Variants in CAMK4 observed in about 807,000 individuals in gnomAD.
The protein encoded by CAMK4 is calcium/calmodulin dependent protein kinase IV, also known as calcium/calmodulin-dependent protein kinase type IV.
Under a neutral mutation model 44.9 loss-of-function variants are expected in CAMK4, and 22 were observed. That is an observed-to-expected ratio of 0.49 (90% CI 0.35 to 0.70). The LOEUF is 0.70. CAMK4 is among the 30% of genes least tolerant of loss of function. CAMK4 has a pLI of 0.01. For synonymous variants in CAMK4, 218 were observed against 215.4 expected (o/e 1.01, Z -0.11); for missense variants, 498 against 586.8 (o/e 0.85, Z 1.56).
chr5:111,414,544 C>T (rs80238936), intron 5 of CAMK4, among the ~76,000 whole-genome samples: 1 of 152,052 alleles, frequency 6.6e-6, no homozygotes, highest in South Asian at 2.1e-4. Flanking sequence ...TTTTGCTAGC[C>T]TGATTCAGGG....
intron 5 of CAMK4, among the ~76,000 whole-genome samples, chr5:111,434,434 A>G (rs1364191030): frequency 6.6e-6 from 1 of 152,322 alleles, no homozygotes; most frequent in South Asian, 2.1e-4. Context: ...GTGAGGAAAA[A>G]GGAGGCATTA....
chr5:111,224,274 C>G (rs1748048849), upstream of CAMK4: 1 of 565,966 alleles, frequency 1.8e-6, no homozygotes, highest in Non-Finnish European at 2.6e-6. This position sits in a 1 kb window ranked among gnomAD's most constrained non-coding sequence, Gnocchi z 5.7. Context: ...GGCGGCGACT[C>G]CGGGTTCCCC....
intron 1 of CAMK4, among the ~76,000 whole-genome samples, chr5:111,320,129 AGCAT>A (rs1748598357): frequency 6.6e-6 from 1 of 152,218 alleles, no homozygotes; most frequent in South Asian, 2.1e-4. Context: ...CAAAAAGAGA[AGCAT>A]GCTCAACTCA....
intron 1 of CAMK4, among the ~76,000 whole-genome samples, chr5:111,342,829 A>T (rs1319589913): frequency 1.3e-5 from 2 of 151,638 alleles, no homozygotes; most frequent in Non-Finnish European, 3.0e-5. Flanking sequence ...TATTTAAATA[A>T]TATTAGACTA....
chr5:111,362,703 C>G (rs1443364447), intron 2 of CAMK4, among the ~76,000 whole-genome samples: 1 of 151,998 alleles, frequency 6.6e-6, no homozygotes, highest in Non-Finnish European at 1.5e-5. Flanking sequence ...TTAATTCTCT[C>G]TTTGTTAATC....
intron 1 of CAMK4, among the ~76,000 whole-genome samples, chr5:111,264,933 G>A (rs569880375): frequency 9.2e-5 from 14 of 152,022 alleles, no homozygotes; most frequent in South Asian, 4.2e-4. Flanking sequence ...CTTTCTTGCC[G>A]TTGACCTTTC....
At chr5:111,396,815 ATT>A (rs1320625992) in intron 5 of CAMK4, among the ~76,000 whole-genome samples, 1 of 151,108 alleles carries the variant, frequency 6.6e-6, no homozygotes, top group East Asian at 1.9e-4. Flanking sequence ...TAATTTTTGT[ATT>A]TTTAGTAGAG....
chr5:111,483,901 A>G (rs1755517352), intron 10 of CAMK4, 125 bp from the exon 11 acceptor site: 2 of 614,180 alleles, frequency 3.3e-6, no homozygotes, highest in South Asian at 4.1e-5. Flanking sequence ...ATCTAGGAAT[A>G]AGGTACTTTG....
chr5:111,469,127 A>G (rs1754952272), intron 7 of CAMK4, among the ~76,000 whole-genome samples: 1 of 130,810 alleles, frequency 7.6e-6, no homozygotes, highest in South Asian at 2.7e-4. Flanking sequence ...CTGGGCAACA[A>G]GAGTGAAACT....
chr5:111,224,686 T>C lies in CAMK4; in HGVS notation c.161+42T>C. On this transcript the variant is annotated intron_variant, in intron 1 of 10. Transcript: ENST00000282356. This position sits in a 1 kb window ranked among gnomAD's most constrained non-coding sequence, Gnocchi z 5.7. ...GGCTGGGGAAGCCCGCGGCGTGCAC[T>C]GGGGGTTGTCCCTCTCGCAGCGACG... 1 of 1,577,286 alleles carries C rather than the reference T, an allele frequency of 6.3e-7. No homozygotes were observed. Among genetic ancestry groups the C allele is most frequent in the Non-Finnish European group, 8.6e-7 (1 of 1,161,024 alleles).
At chr5:111,446,242 A>T (rs1299318649) in intron 5 of CAMK4, among the ~76,000 whole-genome samples, 1 of 152,238 alleles carries the variant, frequency 6.6e-6, no homozygotes, top group Non-Finnish European at 1.5e-5. Context: ...TAAAATACTC[A>T]CATCTATATG....
intron 2 of CAMK4, among the ~76,000 whole-genome samples, chr5:111,371,098 T>A (rs1241805362): frequency 6.6e-6 from 1 of 152,126 alleles, no homozygotes; most frequent in Non-Finnish European, 1.5e-5. Flanking sequence ...GTATGCTTTT[T>A]TCACTAAACG....
chr5:111,236,971 C>T (rs2112508844), intron 1 of CAMK4, among the ~76,000 whole-genome samples: 1 of 152,304 alleles, frequency 6.6e-6, no homozygotes, highest in East Asian at 1.9e-4. Flanking sequence ...AACTGTCTTT[C>T]TTCAGGATGT....
At chr5:111,454,867 A>G (rs1224129838) in intron 7 of CAMK4, among the ~76,000 whole-genome samples, 1 of 151,856 alleles carries the variant, frequency 6.6e-6, no homozygotes, top group Non-Finnish European at 1.5e-5. Flanking sequence ...TAGGTAAAAA[A>G]AAATTATATC....
At chr5:111,437,673 A>C (rs1200521837) in intron 5 of CAMK4, among the ~76,000 whole-genome samples, 1 of 152,194 alleles carries the variant, frequency 6.6e-6, no homozygotes, top group African/African-American at 2.4e-5. Context: ...AGCTGGCCAG[A>C]TGAAGAAGTG....
chr5:111,284,380 C>T lies in CAMK4; in HGVS notation c.162-59644C>T, dbSNP rs146362462. ...TATGAGAAACATAAAGATGAACTAA[C>T]GAGAAACTAAAAAGTTATCTGGTCT... On this transcript the variant is annotated intron_variant, in intron 1 of 10. Transcript: ENST00000282356. Among the ~76,000 whole-genome samples, 286 of 152,168 alleles carry T rather than the reference C, an allele frequency of 1.9e-3. 5 individuals are homozygous for T. The highest frequency in any genetic ancestry group is 0.018 in the East Asian group (93 of 5,184).
At position 111,282,275 on chromosome 5, in the gene CAMK4, CT is replaced by C. The variant is rs574567599; in HGVS notation, c.161+57632del. The stretch of plus-strand genomic sequence containing the variant: ...TATGCAGTTCCCTACTGTTATTTTA[CT>C]CTTAAATTAGGTGGCTGATGGGGAA... On this transcript the variant is annotated intron_variant, in intron 1 of 10. Transcript: ENST00000282356. Among the ~76,000 whole-genome samples, 1,220 of 152,222 alleles carry C rather than the reference CT, an allele frequency of 8.0e-3. 9 individuals carry two copies. The highest frequency in any genetic ancestry group is 0.014 in the Middle Eastern group (4 of 294).
At chr5:111,369,425 T>C (rs1256951412) in intron 2 of CAMK4, among the ~76,000 whole-genome samples, 3 of 152,114 alleles carry the variant, frequency 2.0e-5, no homozygotes, top group African/African-American at 7.2e-5. Flanking sequence ...GAGATTAAAA[T>C]TGATATATTT....
intron 5 of CAMK4, among the ~76,000 whole-genome samples, chr5:111,443,279 T>TATACAC (rs1401315422): frequency 1.2e-3 from 46 of 37,468 alleles, no homozygotes; most frequent in Admixed American, 2.0e-3. Flanking sequence ...TATATATATA[T>TATACAC]ACACACACAC....
Sources: gnomAD v4.1 joint callset for allele counts (sites outside exome capture counted in the v4.1 genomes callset) on GRCh38, gnomAD v4.1.1 for gene constraint, Gnocchi (gnomAD v3.1) non-coding constraint, MANE v1.5 for transcripts, NCBI Gene and HGNC (gene_info 2026-07-23, HGNC 2026-07-21) for gene names.